Variants in DEFB103A observed in about 807,000 individuals in gnomAD.
DEFB103A encodes defensin beta 103A, also known as beta-defensin 103.
exon 2 of DEFB103A, chr8:7,882,656 CA>C (rs1437149085): frequency 6.8e-5 from 2 of 29,274 alleles, no homozygotes; most frequent in African/African-American, 3.3e-4. Flanking sequence ...ATTTTTTTTT[CA>C]AAAAAAATTA....
chr8:7,882,342 A>AT lies in DEFB103A; in HGVS notation c.59-78dup. On this transcript the variant is annotated intron_variant, in intron 1 of 1. Transcript: ENST00000314357. Reference sequence around the variant, plus strand: ...ATACAAGAAAAGCAAGGGATGAGTTATTTGAGGAATTCCACAAGCCTTGTA... The same window carrying AT: ...ATACAAGAAAAGCAAGGGATGAGTTATTTTGAGGAATTCCACAAGCCTTGTA... 1.5e-3 allele frequency: 3 copies of AT among 1,996 alleles called. No individual in the cohort carries two copies. The South Asian group carries it at 0.017, about 11-fold the overall frequency. 0.1% of individuals were successfully genotyped at this position (1,996 alleles called of 1,614,324 possible). A position where few individuals can be genotyped will look rare whatever the true frequency, so the allele number is the denominator to read the frequency against.
Sources: gnomAD v4.1 joint callset for allele counts on GRCh38, gnomAD v4.1.1 for gene constraint, MANE v1.5 for transcripts, NCBI Gene and HGNC (gene_info 2026-07-23, HGNC 2026-07-21) for gene names.